Variants in TMEM182 observed in about 807,000 individuals in gnomAD.
TMEM182 encodes the protein transmembrane protein 182.
In TMEM182, 20 loss-of-function variants were observed where a neutral mutation model predicts 26.8. That is an observed-to-expected ratio of 0.75 (90% CI 0.53 to 1.09). The LOEUF is 1.09. Among genes scored for constraint, TMEM182 ranks in the 50% least tolerant of loss-of-function variants. The pLI, the probability that TMEM182 is intolerant of heterozygous loss-of-function variation, is 0.00. For synonymous variants in TMEM182, 109 were observed against 102.2 expected, an observed-to-expected ratio of 1.07 and a Z score of -0.40; for missense variants, 277 against 275.5, an observed-to-expected ratio of 1.01 and a Z score of -0.04.
intron 4 of TMEM182, among the ~76,000 whole-genome samples, chr2:102,810,787 G>A (rs1682528769): frequency 6.6e-6 from 1 of 152,056 alleles, no homozygotes; most frequent in Non-Finnish European, 1.5e-5. Context: ...CTTTCCAAAT[G>A]TATGACCAAA....
chr2:102,747,629 A>G lies in TMEM182; in HGVS notation c.-83+10616A>G, dbSNP rs149332755. On this transcript the variant is annotated intron_variant, in intron 1 of 5. Coordinates refer to the TMEM182 transcript ENST00000409173. ...AGTTGAGATGCCATGTAACCATGAA[A>G]TGTAGAGCCTATGGGAAAATAAAAA... 6.7e-3 allele frequency among the ~76,000 whole-genome samples: 1,025 copies of G among 152,124 alleles called. 6 individuals are homozygous for G. Among genetic ancestry groups the G allele is most frequent in the Non-Finnish European group, 0.01 (712 of 68,004 alleles).
At chr2:102,755,107 G>A (rs963119886) in intron 1 of TMEM182, among the ~76,000 whole-genome samples, 5 of 152,214 alleles carry the variant, frequency 3.3e-5, no homozygotes, top group South Asian at 4.1e-4. Flanking sequence ...GACCCTAAAA[G>A]AAATATTATT....
intron 3 of TMEM182, among the ~76,000 whole-genome samples, chr2:102,796,711 A>G (rs1436941327): frequency 2.0e-5 from 3 of 152,180 alleles, no homozygotes; most frequent in East Asian, 1.9e-4. Context: ...GTGAAAGCCT[A>G]TCATGTATTC....
chr2:102,809,924 A>C (rs1682488443), intron 4 of TMEM182, among the ~76,000 whole-genome samples: 2 of 152,182 alleles, frequency 1.3e-5, no homozygotes, highest in African/African-American at 4.8e-5. Flanking sequence ...TGCCCATGGA[A>C]AACTGAAATG....
intron 3 of TMEM182, among the ~76,000 whole-genome samples, chr2:102,785,016 C>T (rs1025397170): frequency 6.6e-6 from 1 of 152,144 alleles, no homozygotes; most frequent in Non-Finnish European, 1.5e-5. Context: ...TTACCCAGCT[C>T]GAGATGGAGT....
chr2:102,782,821 T>C (rs1681227933), intron 3 of TMEM182, among the ~76,000 whole-genome samples: 1 of 152,196 alleles, frequency 6.6e-6, no homozygotes, highest in Non-Finnish European at 1.5e-5. Flanking sequence ...AGAGCATCAA[T>C]ATATTTTTTT....
intron 3 of TMEM182, among the ~76,000 whole-genome samples, chr2:102,824,503 C>G (rs533535421): frequency 3.2e-4 from 48 of 152,252 alleles, no homozygotes; most frequent in African/African-American, 1.1e-3. Flanking sequence ...TTCCCCTTCT[C>G]TCTCTTCCTT....
intron 3 of TMEM182, among the ~76,000 whole-genome samples, chr2:102,770,409 C>T (rs923957039): frequency 6.6e-6 from 1 of 152,200 alleles, no homozygotes; most frequent in Non-Finnish European, 1.5e-5. Context: ...CCTGACACTT[C>T]CAGATCATCT....
upstream of TMEM182, among the ~76,000 whole-genome samples, chr2:102,757,157 A>C (rs148793629): frequency 5.1e-4 from 78 of 152,216 alleles, no homozygotes; most frequent in East Asian, 0.015. Context: ...GAGTATCTAC[A>C]TGGGGAGCAG....
chr2:102,837,545 G>A (rs1490891754), intron 3 of TMEM182, among the ~76,000 whole-genome samples: 3 of 150,348 alleles, frequency 2.0e-5, no homozygotes, highest in African/African-American at 4.9e-5. Context: ...TGGGGGGTTC[G>A]GGGGGTTCAG....
At chr2:102,810,156 G>A (rs1682499040) in intron 4 of TMEM182, among the ~76,000 whole-genome samples, 1 of 152,150 alleles carries the variant, frequency 6.6e-6, no homozygotes, top group Admixed American at 6.5e-5. Context: ...AAGAGTATAT[G>A]TGCTTCTAGA....
At chr2:102,795,362 G>A (rs1451354047) in intron 3 of TMEM182, among the ~76,000 whole-genome samples, 1 of 152,122 alleles carries the variant, frequency 6.6e-6, no homozygotes, top group African/African-American at 2.4e-5. Flanking sequence ...ATTTTATGTT[G>A]TCAAAATTCA....
At chr2:102,834,334 T>C (rs191724761) in intron 3 of TMEM182, 1 of 972,218 alleles carries the variant, frequency 1.0e-6, no homozygotes, top group African/African-American at 1.8e-5. Flanking sequence ...GACTCGTCTG[T>C]TTTTTTCTGT....
At chr2:102,770,535 C>G (rs1680630318) in intron 3 of TMEM182, among the ~76,000 whole-genome samples, 1 of 152,206 alleles carries the variant, frequency 6.6e-6, no homozygotes, top group African/African-American at 2.4e-5. Flanking sequence ...TTTTCCTGCA[C>G]ATTTTGTCAC....
chr2:102,801,204 A>G (rs948995970), intron 4 of TMEM182, among the ~76,000 whole-genome samples: 3 of 152,118 alleles, frequency 2.0e-5, no homozygotes, highest in African/African-American at 7.2e-5. Context: ...CACTTACTTT[A>G]CATTTGACTT....
intron 1 of TMEM182, among the ~76,000 whole-genome samples, chr2:102,754,464 CA>C (rs1679974242): frequency 6.6e-6 from 1 of 151,298 alleles, no homozygotes; most frequent in Non-Finnish European, 1.5e-5. Context: ...ACACCTACAA[CA>C]TACTATCCTA....
chr2:102,762,616 G>T lies in TMEM182; in HGVS notation c.162G>T (p.Gly54=). The T allele has an allele frequency of 2.5e-6, 4 of 1,613,892 alleles. No individual in the cohort carries two copies. Among genetic ancestry groups the T allele is most frequent in the Non-Finnish European group, 3.4e-6 (4 of 1,179,892 alleles). ...AGAACGTCACTTTTCACCATGAAGG[G>T]TTCTTCTGGAGGTGTTGGTTTAATG... ...NIENVTFHHE[G]FFWRCWFNGI... The change falls in exon 2 of 5, where the codon GGG becomes GGT. Residue 54 remains glycine (G), a synonymous_variant. Transcript: ENST00000412401.
chr2:102,816,786 A>G lies in TMEM182; in HGVS notation c.*1818A>G, dbSNP rs537993707. The G allele has an allele frequency of 7.7e-5, 76 of 985,794 alleles. No individual in the cohort carries two copies. The Admixed American group carries it at 9.2e-4, about 12-fold the overall frequency. 61.1% of individuals were successfully genotyped at this position (985,794 alleles called of 1,614,324 possible). Reference sequence around the variant, plus strand: ...GATGTTGGATGTATCTGATTAGTTCATGTCATCTGTAAATACAATTCTTTT... The same window carrying G: ...GATGTTGGATGTATCTGATTAGTTCGTGTCATCTGTAAATACAATTCTTTT... On this transcript the variant is annotated 3_prime_UTR_variant, in exon 5 of 5. Coordinates refer to ENST00000412401, the MANE Select transcript of TMEM182 (RefSeq NM_144632.5).
chr2:102,741,249 T>C (rs927083836), intron 1 of TMEM182, among the ~76,000 whole-genome samples: 14 of 152,100 alleles, frequency 9.2e-5, no homozygotes, highest in Non-Finnish European at 2.1e-4. Flanking sequence ...AGGGGTAATT[T>C]TGATGAATTA....
Sources: gnomAD v4.1 joint callset for allele counts (sites outside exome capture counted in the v4.1 genomes callset) on GRCh38, gnomAD v4.1.1 for gene constraint, MANE v1.5 for transcripts, NCBI Gene and HGNC (gene_info 2026-07-23, HGNC 2026-07-21) for gene names.